SLK: variants seen among roughly 807,000 people sequenced by gnomAD.
SLK encodes the protein STE20 like kinase, also known as STE20-like serine/threonine-protein kinase.
Under a neutral mutation model 147.7 loss-of-function variants are expected in SLK, and 67 were observed. The ratio of observed to expected loss-of-function variants is 0.45; its 90% CI spans 0.37 to 0.56. The LOEUF (loss-of-function observed/expected upper bound fraction) is 0.56, where lower values mean the gene tolerates loss of function less well. SLK is among the 20% of genes least tolerant of loss of function. The probability of loss-of-function intolerance (pLI) is 0.00; values close to 1 mark genes in which losing one functional copy is unlikely to be tolerated. For synonymous variants in SLK, 441 were observed against 475.0 expected, an observed-to-expected ratio of 0.93 and a Z score of 0.93; for missense variants, 1,136 against 1,438.8, an observed-to-expected ratio of 0.79 and a Z score of 3.41.
chr10:104,012,062 C>T (rs1006466279), intron 13 of SLK, among the ~76,000 whole-genome samples: 4 of 152,250 alleles, frequency 2.6e-5, no homozygotes, highest in Non-Finnish European at 4.4e-5. Flanking sequence ...TGTATTTAAT[C>T]GATCCTTTGA....
intron 1 of SLK, among the ~76,000 whole-genome samples, chr10:103,975,995 C>T (rs1163147915): frequency 2.6e-5 from 4 of 152,044 alleles, no homozygotes; most frequent in East Asian, 3.9e-4. Context: ...ATCAACTCCC[C>T]AGGCTCAGGT....
intron 8 of SLK, 132 bp from the exon 9 acceptor site, chr10:104,002,037 GAGA>G: frequency 2.8e-6 from 2 of 718,754 alleles, no homozygotes. Flanking sequence ...TATTTCTTGT[GAGA>G]AGAATTGTTA....
In SLK at chr10:104,025,850, T is replaced by C. The variant is rs910608507; in HGVS notation, c.*130T>C. 7.7e-6 allele frequency: 6 copies of C among 779,140 alleles called. No homozygotes were observed. The highest frequency in any genetic ancestry group is 1.2e-5 in the Non-Finnish European group (6 of 516,106). 48.3% of individuals were successfully genotyped at this position (779,140 alleles called of 1,614,324 possible). A position where few individuals can be genotyped will look rare whatever the true frequency, so the allele number is the denominator to read the frequency against. ...TCACCTTCTAGGTGTTTTCCTTTTT[T>C]GTTTTTTTTGTTTTGTTTTGTTTTT... On this transcript the variant is annotated 3_prime_UTR_variant, in exon 19 of 19. Coordinates refer to ENST00000369755, the MANE Select transcript of SLK (RefSeq NM_014720.4).
chr10:103,983,473 C>G (rs1302497261), intron 1 of SLK, among the ~76,000 whole-genome samples: 1 of 152,190 alleles, frequency 6.6e-6, no homozygotes, highest in Admixed American at 6.5e-5. Flanking sequence ...CAAATACGCC[C>G]TTCTATGCTT....
At chr10:104,020,061 G>A (rs1844514866) in intron 16 of SLK, 139 bp downstream of exon 16, 1 of 687,338 alleles carries the variant, frequency 1.5e-6, no homozygotes. Context: ...CTGTGGGCTG[G>A]GACTATAGAT....
chr10:103,978,786 T>C (rs1049510776), intron 1 of SLK, among the ~76,000 whole-genome samples: 8 of 152,168 alleles, frequency 5.3e-5, no homozygotes, highest in African/African-American at 1.7e-4. Context: ...TTTTCCAATT[T>C]ACCAGCTTAT....
At position 103,990,848 on chromosome 10, in the gene SLK, T is replaced by A; in HGVS notation, c.315+9T>A. On this transcript the variant is annotated intron_variant, in intron 2 of 18. Coordinates refer to ENST00000369755, the MANE Select transcript of SLK (RefSeq NM_014720.4). ...ATGAGAACAATCTTTGGGTAAGTAT[T>A]TTCTGTTGATCTAAAGGAGTAGCCA... is the stretch of plus-strand genomic sequence containing the variant. 6.8e-7 allele frequency: 1 copy of A among 1,480,428 alleles called. No homozygotes were observed. The highest frequency in any genetic ancestry group is 8.9e-7 in the Non-Finnish European group (1 of 1,120,238). The allele number at this position is 1,480,428 out of a possible 1,614,324, so 91.7% of individuals were successfully genotyped here. A position where few individuals can be genotyped will look rare whatever the true frequency, so the allele number is the denominator to read the frequency against.
intron 1 of SLK, among the ~76,000 whole-genome samples, chr10:103,969,030 G>A (rs1330838629): frequency 6.6e-6 from 1 of 151,820 alleles, no homozygotes; most frequent in Non-Finnish European, 1.5e-5. Context: ...GTGCAATAGC[G>A]CGATCTCGGC....
intron 1 of SLK, among the ~76,000 whole-genome samples, chr10:103,969,847 T>G (rs1843770008): frequency 1.3e-5 from 2 of 152,222 alleles, no homozygotes; most frequent in Non-Finnish European, 2.9e-5. Context: ...CTTTCACCCA[T>G]TAAAGTTCTG....
In SLK at chr10:104,025,803, C is replaced by T; in HGVS notation, c.*83C>T. 1.7e-6 allele frequency: 2 copies of T among 1,187,568 alleles called. No homozygotes were observed. Among genetic ancestry groups the T allele is most frequent in the Non-Finnish European group, 2.4e-6 (2 of 839,150 alleles). 73.6% of individuals were successfully genotyped at this position (1,187,568 alleles called of 1,614,324 possible). On this transcript the variant is annotated 3_prime_UTR_variant, in exon 19 of 19. Transcript: ENST00000369755. ...TCTTCTGCCACAGTCTCTCAGATAG[C>T]TCATGAAGACAATCACCTGCCTCAC... is the stretch of plus-strand genomic sequence containing the variant.
rs567718756 is a variant in SLK, at chr10:104,008,899, C to T, written c.2784+543C>T. On this transcript the variant is annotated intron_variant, in intron 12 of 18. Transcript: ENST00000369755. ...TTGTGCCAAACAAAAGCTGAATAAC[C>T]TGAAATTTGACATGCTATCTATAAC... Among the ~76,000 whole-genome samples the T allele has an allele frequency of 2.8e-4, 43 of 152,188 alleles. No individual in the cohort carries two copies. In the East Asian group the frequency reaches 3.1e-3, roughly 11 times the overall value.
chr10:104,001,661 A>C (rs1844249947), intron 8 of SLK, 89 bp downstream of exon 8: 2 of 1,408,906 alleles, frequency 1.4e-6, no homozygotes, highest in Non-Finnish European at 2.0e-6. Context: ...GATGGGTGGC[A>C]ACGCAAAACC....
intron 4 of SLK, among the ~76,000 whole-genome samples, chr10:103,993,759 G>T (rs1844130278): frequency 6.6e-6 from 1 of 152,168 alleles, no homozygotes; most frequent in African/African-American, 2.4e-5. Flanking sequence ...AAAGTCTAGA[G>T]ATGAAGTCCA....
At chr10:103,972,260 G>C (rs1843802241) in intron 1 of SLK, among the ~76,000 whole-genome samples, 1 of 152,188 alleles carries the variant, frequency 6.6e-6, no homozygotes, top group South Asian at 2.1e-4. Flanking sequence ...ATATACATGA[G>C]TTTCACTAAG....
intron 3 of SLK, 114 bp downstream of exon 3, chr10:103,992,760 A>G: frequency 1.3e-6 from 1 of 755,440 alleles, no homozygotes; most frequent in African/African-American, 1.7e-5. Context: ...AAAGTTCAGT[A>G]AGTTAACTCA....
chr10:103,968,144 T>C (rs879658760), intron 1 of SLK, among the ~76,000 whole-genome samples: 1 of 152,214 alleles, frequency 6.6e-6, no homozygotes, highest in Non-Finnish European at 1.5e-5. Flanking sequence ...GTCTACTCTT[T>C]CAAACTTCAA....
intron 4 of SLK, among the ~76,000 whole-genome samples, chr10:103,997,462 A>G (rs1844190116): frequency 6.6e-6 from 1 of 152,160 alleles, no homozygotes; most frequent in Non-Finnish European, 1.5e-5. Flanking sequence ...GCTGAATCAT[A>G]TGGTAATTCT....
At chr10:103,968,733 T>A (rs1038955998) in intron 1 of SLK, among the ~76,000 whole-genome samples, 2 of 152,194 alleles carry the variant, frequency 1.3e-5, no homozygotes, top group African/African-American at 4.8e-5. Flanking sequence ...AGAAAATAAC[T>A]TATGTTTATA....
At chr10:104,016,177 G>A (rs1260730859) in intron 13 of SLK, among the ~76,000 whole-genome samples, 2 of 152,124 alleles carry the variant, frequency 1.3e-5, no homozygotes, top group South Asian at 4.2e-4. Flanking sequence ...AAATTAGCTG[G>A]GCGTGGTGGT....
Sources: gnomAD v4.1 joint callset for allele counts (sites outside exome capture counted in the v4.1 genomes callset) on GRCh38, gnomAD v4.1.1 for gene constraint, MANE v1.5 for transcripts, NCBI Gene and HGNC (gene_info 2026-07-23, HGNC 2026-07-21) for gene names.